The following ORC6 variants were observed in gnomAD, a reference collection of about 807,000 sequenced individuals.
ORC6 encodes origin recognition complex, subunit 6 homolog-like (yeast).
ORC6 carries 31 observed loss-of-function variants against 30.0 expected under a neutral mutation model. The ratio of observed to expected loss-of-function variants is 1.03; its 90% CI spans 0.78 to 1.40. ORC6 has a LOEUF of 1.40. Ranked by LOEUF, ORC6 falls within the 40% of genes most tolerant of loss-of-function variation. ORC6 has a pLI of 0.00. For missense variants in ORC6, 340 were observed against 304.3 expected (o/e 1.12, Z -0.87); for synonymous variants, 136 against 111.2 (o/e 1.22, Z -1.40).
chr16:46,698,364 C>A lies in ORC6; in HGVS notation c.*779C>A. The A allele has an allele frequency of 2.5e-6, 1 of 403,226 alleles. No individual in the cohort carries two copies. The allele number at this position is 403,226 out of a possible 1,614,324, so 25.0% of individuals were successfully genotyped here. A position where few individuals can be genotyped will look rare whatever the true frequency, so the allele number is the denominator to read the frequency against. ...TTGACTAAATCAATATATTGTACAG[C>A]CTAAGTTAATAAATGTTATTTATAT... On this transcript the variant is annotated 3_prime_UTR_variant, in exon 7 of 7. Transcript: ENST00000219097.
chr16:46,695,440 GA>G, intron 4 of ORC6, 121 bp from the exon 5 acceptor site: 6 of 689,768 alleles, frequency 8.7e-6, no homozygotes, highest in African/African-American at 5.4e-5. Context: ...TGGAATGAAG[GA>G]AAAAAACTAG....
At position 46,698,377 on chromosome 16, in the gene ORC6, A is replaced by T. The variant is rs1305950051; in HGVS notation, c.*792A>T. 2 of 387,288 alleles carry T rather than the reference A, an allele frequency of 5.2e-6. No individual in the cohort carries two copies. The highest frequency in any genetic ancestry group is 5.9e-5 in the Admixed American group (2 of 33,762). The allele number at this position is 387,288 out of a possible 1,614,324, so 24.0% of individuals were successfully genotyped here. On this transcript the variant is annotated 3_prime_UTR_variant, in exon 7 of 7. Coordinates refer to ENST00000219097, the MANE Select transcript of ORC6 (RefSeq NM_014321.4). ...TATATTGTACAGCCTAAGTTAATAA[A>T]TGTTATTTATATATGCATTCAAGTT...
chr16:46,692,490 G>A lies in ORC6; in HGVS notation c.304G>A (p.Ala102Thr). Residue 102 changes from alanine to threonine, a missense_variant, in exon 3 of 7, where the codon GCT becomes ACT. Transcript: ENST00000219097. Reference protein sequence around the residue: ...LNSNIGIRDLAVQFSCIEAVN... With the variant: ...LNSNIGIRDLTVQFSCIEAVN... ...TTCAAATATTGGAATAAGAGACCTA[G>A]CTGTACAGTTTAGCTGTATAGAAGC... is the stretch of plus-strand genomic sequence containing the variant. 4 of 1,613,670 alleles carry A rather than the reference G, an allele frequency of 2.5e-6. No individual in the cohort carries two copies. The highest frequency in any genetic ancestry group is 3.4e-6 in the Non-Finnish European group (4 of 1,179,562).
chr16:46,689,935 A>G lies in ORC6; in HGVS notation c.65+165A>G, dbSNP rs1356573298. On this transcript the variant is annotated intron_variant, in intron 1 of 6. Transcript: ENST00000219097. Reference sequence around the variant, plus strand: ...CTTCAAGAAAAACTTCTCGGCCGTGAGCTTGAATGAGATGGCAAGAAGGGC... The same window carrying G: ...CTTCAAGAAAAACTTCTCGGCCGTGGGCTTGAATGAGATGGCAAGAAGGGC... The G allele has an allele frequency of 4.0e-6, 4 of 995,348 alleles. No individual in the cohort carries two copies. The East Asian group carries it at 1.2e-4, about 29-fold the overall frequency. 61.7% of individuals were successfully genotyped at this position (995,348 alleles called of 1,614,324 possible).
At chr16:46,692,783 G>C (rs990592541) in intron 3 of ORC6, among the ~76,000 whole-genome samples, 1 of 152,136 alleles carries the variant, frequency 6.6e-6, no homozygotes, top group Non-Finnish European at 1.5e-5. Flanking sequence ...CAGGAGAATT[G>C]CTTGAACCCA....
chr16:46,691,166 A>G, intron 2 of ORC6, 46 bp downstream of exon 2: 2 of 1,602,044 alleles, frequency 1.2e-6, no homozygotes, highest in Non-Finnish European at 1.7e-6. Flanking sequence ...TGCAACATTG[A>G]AGCTCTTTTA....
rs754684270 is a variant in ORC6, at chr16:46,692,501, T to C, written c.315T>C (p.Phe105=). The C allele has an allele frequency of 6.8e-6, 11 of 1,613,540 alleles. No homozygotes were observed. The African/African-American group carries it at 1.5e-4, about 22-fold the overall frequency. The change falls in exon 3 of 7, where the codon TTT becomes TTC. Residue 105 remains phenylalanine (F), a synonymous_variant. Coordinates refer to ENST00000219097, the MANE Select transcript of ORC6 (RefSeq NM_014321.4). The part of the protein sequence containing the change: ...NIGIRDLAVQ[F]SCIEAVNMAS... ...GAATAAGAGACCTAGCTGTACAGTT[T>C]AGCTGTATAGAAGCAGTGAACATGG...
At chr16:46,697,228 C>T (rs1293915489) in intron 6 of ORC6, among the ~76,000 whole-genome samples, 2 of 152,076 alleles carry the variant, frequency 1.3e-5, no homozygotes, top group Non-Finnish European at 1.5e-5. Context: ...GTCCCAGCCA[C>T]GGTCCCAGCT....
intron 4 of ORC6, chr16:46,694,602 C>T (rs1340066390): frequency 1.8e-5 from 2 of 112,370 alleles, no homozygotes. Flanking sequence ...CCTCACTTCC[C>T]AGTAGGGGCG....
At position 46,698,315 on chromosome 16, in the gene ORC6, A is replaced by G. The variant is rs538392048; in HGVS notation, c.*730A>G. The G allele has an allele frequency of 5.6e-5, 25 of 449,426 alleles. No homozygotes were observed. Among genetic ancestry groups the G allele is most frequent in the South Asian group, 1.6e-4 (10 of 63,730 alleles). 27.8% of individuals were successfully genotyped at this position (449,426 alleles called of 1,614,324 possible). ...ATGGCATCTTACAGATTTTACTTCA[A>G]TTTTTGTGTACGGTATTTTTTATTT... is the stretch of plus-strand genomic sequence containing the variant. On this transcript the variant is annotated 3_prime_UTR_variant, in exon 7 of 7. Transcript: ENST00000219097.
intron 5 of ORC6, 22 bp downstream of exon 5, chr16:46,695,696 A>T: frequency 7.0e-7 from 1 of 1,420,284 alleles, no homozygotes; most frequent in South Asian, 1.1e-5. Context: ...GTAGTTCAAG[A>T]ATGCGTCATT....
At chr16:46,690,164 C>T (rs1596732337) in intron 1 of ORC6, among the ~76,000 whole-genome samples, 1 of 152,202 alleles carries the variant, frequency 6.6e-6, no homozygotes, top group Admixed American at 6.5e-5. Context: ...TGCTCCTGAG[C>T]CACTGGGCTT....
At chr16:46,690,519 C>A (rs1363433888) in intron 1 of ORC6, among the ~76,000 whole-genome samples, 2 of 152,220 alleles carry the variant, frequency 1.3e-5, no homozygotes, top group Non-Finnish European at 2.9e-5. Context: ...ACAGCCATAT[C>A]ATCTTGTCAC....
rs1966468875 is a variant in ORC6, at chr16:46,693,164, C to T, written c.431C>T (p.Ala144Val). 2 of 1,610,534 alleles carry T rather than the reference C, an allele frequency of 1.2e-6. No homozygotes were observed. ...DLSRPLFTSA[A>V]LLSACKILKL... ...TCCAGGCCACTTTTCACTTCTGCTG[C>T]ACTGCTTTCAGCATGCAAGTAGGTA... The change falls in exon 4 of 7, where the codon GCA becomes GTA. Residue 144 changes from alanine (A) to valine (V), a missense_variant. Ala to Val is a moderately conservative substitution (Grantham distance 64). Coordinates refer to ENST00000219097, the MANE Select transcript of ORC6 (RefSeq NM_014321.4).
intron 6 of ORC6, among the ~76,000 whole-genome samples, chr16:46,696,847 G>A (rs186593435): frequency 6.6e-6 from 1 of 152,102 alleles, no homozygotes; most frequent in East Asian, 1.9e-4. Context: ...ATAGAGATGG[G>A]ACCTCACTAT....
In ORC6 at chr16:46,689,782, C is replaced by A. The variant is rs377152575; in HGVS notation, c.65+12C>A. Reference sequence around the variant, plus strand: ...CCCGACATGCTGAGGTGAGTTCGGCCGCGCAAGACCAGGGCTGGGCTTCCG... The same window carrying A: ...CCCGACATGCTGAGGTGAGTTCGGCAGCGCAAGACCAGGGCTGGGCTTCCG... On this transcript the variant is annotated intron_variant, in intron 1 of 6. Coordinates refer to ENST00000219097, the MANE Select transcript of ORC6 (RefSeq NM_014321.4). 2.5e-6 allele frequency: 4 copies of A among 1,585,342 alleles called. No homozygotes were observed. The African/African-American group carries it at 4.0e-5, about 16-fold the overall frequency.
intron 1 of ORC6, 30 bp downstream of exon 1, chr16:46,689,800 G>A (rs1262941614): frequency 1.9e-6 from 3 of 1,566,220 alleles, no homozygotes; most frequent in Admixed American, 1.9e-5. Flanking sequence ...ACCAGGGCTG[G>A]GCTTCCGCCT....
At chr16:46,690,677 A>G in intron 1 of ORC6, 1 of 396,632 alleles carries the variant, frequency 2.5e-6, no homozygotes. Flanking sequence ...GGAGGAAAGG[A>G]GGAACCCTGG....
chr16:46,689,960 C>T (rs1966411520), intron 1 of ORC6, 190 bp downstream of exon 1: 1 of 735,750 alleles, frequency 1.4e-6, no homozygotes, highest in Non-Finnish European at 2.1e-6. Flanking sequence ...GCAAGAAGGG[C>T]GATAGCAAAC....
Sources: allele counts gnomAD v4.1 joint callset (sites outside exome capture counted in the v4.1 genomes callset), GRCh38; gene constraint gnomAD v4.1.1; transcripts MANE v1.5; gene names NCBI Gene and HGNC (gene_info 2026-07-23, HGNC 2026-07-21).